The following SLC44A5 variants were observed in gnomAD, a reference collection of about 807,000 sequenced individuals.
SLC44A5 encodes choline transporter-like protein 5.
In SLC44A5, 57 loss-of-function variants were observed where a neutral mutation model predicts 101.8. That is an observed-to-expected ratio of 0.56 (90% CI 0.45 to 0.70). The LOEUF is 0.70. Ranked by LOEUF, SLC44A5 falls within the 30% of genes least tolerant of loss-of-function variation. The pLI, the probability that SLC44A5 is intolerant of heterozygous loss-of-function variation, is 0.00. For synonymous variants in SLC44A5, 281 were observed against 290.9 expected (o/e 0.97, Z 0.35); for missense variants, 737 against 853.1 (o/e 0.86, Z 1.70).
the SLC44A5 span, among the ~76,000 whole-genome samples, chr1:75,711,926 T>TG: frequency 2.0e-5 from 3 of 152,238 alleles, no homozygotes; most frequent in African/African-American, 7.2e-5. Flanking sequence ...TGGTCTCAGA[T>TG]ATTTCCAGTT....
intron 1 of SLC44A5, among the ~76,000 whole-genome samples, chr1:75,580,071 A>G (rs570842683): frequency 6.6e-6 from 1 of 152,250 alleles, no homozygotes; most frequent in South Asian, 2.1e-4. Context: ...CACTGCATAA[A>G]ATCTATTGAT....
intron 2 of SLC44A5, among the ~76,000 whole-genome samples, chr1:75,406,593 G>A (rs1006614316): frequency 9.2e-5 from 14 of 152,092 alleles, no homozygotes; most frequent in African/African-American, 3.4e-4. Context: ...TCACATAAAT[G>A]GAACCAATGA....
the SLC44A5 span, among the ~76,000 whole-genome samples, chr1:75,680,438 C>G: frequency 3.4e-4 from 51 of 151,498 alleles, no homozygotes; most frequent in African/African-American, 9.7e-4. Context: ...AATCAAACTA[C>G]AACTCAGGAT....
intron 2 of SLC44A5, among the ~76,000 whole-genome samples, chr1:75,510,208 A>T (rs755102321): frequency 1.3e-5 from 2 of 152,172 alleles, no homozygotes; most frequent in Admixed American, 6.5e-5. Context: ...CAGCCAAACA[A>T]TATCACTATA....
the SLC44A5 span, among the ~76,000 whole-genome samples, chr1:75,655,027 A>G: frequency 1.3e-5 from 2 of 152,134 alleles, no homozygotes; most frequent in Non-Finnish European, 2.9e-5. Flanking sequence ...ATCTGGCCTT[A>G]TATCCCTCTA....
In SLC44A5 at chr1:75,209,885, G is replaced by A. The variant is rs369909000; in HGVS notation, c.2047+1583C>T. Among the ~76,000 whole-genome samples the A allele has an allele frequency of 1.1e-4, 16 of 152,194 alleles. No individual in the cohort carries two copies. In the East Asian group the frequency reaches 3.1e-3, roughly 29 times the overall value. On this transcript the variant is annotated intron_variant, in intron 23 of 23. Coordinates refer to ENST00000370859, the MANE Select transcript of SLC44A5 (RefSeq NM_001130058.2). ...AATGTGCTAGAGAAATAATCTCTCA[G>A]GATGTGTAGTTGTGCAGCTAACAAG...
the SLC44A5 span, among the ~76,000 whole-genome samples, chr1:75,623,897 C>T: frequency 6.6e-6 from 1 of 152,068 alleles, no homozygotes; most frequent in Non-Finnish European, 1.5e-5. Context: ...AAAAGTAATT[C>T]AAGAACCTAC....
chr1:75,351,438 A>G lies in SLC44A5; in HGVS notation c.53-11808T>C, dbSNP rs115114027. Among the ~76,000 whole-genome samples the G allele has an allele frequency of 9.4e-3, 1,428 of 152,268 alleles. 30 individuals carry two copies. The highest frequency in any genetic ancestry group is 0.032 in the African/African-American group (1,334 of 41,554). ...ATCAATCTCAGATAGAAAAGCCTGA[A>G]GTGAAAGGGTAAAATTATAAAGTCA... On this transcript the variant is annotated intron_variant, in intron 3 of 23. Coordinates refer to ENST00000370859, the MANE Select transcript of SLC44A5 (RefSeq NM_001130058.2).
At chr1:75,393,484 T>C (rs1332816945) in intron 3 of SLC44A5, among the ~76,000 whole-genome samples, 1 of 152,186 alleles carries the variant, frequency 6.6e-6, no homozygotes, top group Non-Finnish European at 1.5e-5. Flanking sequence ...AGGTTATAAA[T>C]AAAGATTTTG....
At chr1:75,697,811 G>A in the SLC44A5 span, among the ~76,000 whole-genome samples, 5 of 152,212 alleles carry the variant, frequency 3.3e-5, no homozygotes, top group African/African-American at 1.2e-4. Context: ...TGCGTGAGCT[G>A]AAGCAGGGCG....
intron 2 of SLC44A5, among the ~76,000 whole-genome samples, chr1:75,516,486 C>T (rs911801679): frequency 6.6e-6 from 1 of 152,094 alleles, no homozygotes; most frequent in Non-Finnish European, 1.5e-5. Flanking sequence ...CACTGCACTC[C>T]AGCCTGGGGG....
At chr1:75,476,555 G>A (rs769296605) in intron 2 of SLC44A5, among the ~76,000 whole-genome samples, 6 of 152,196 alleles carry the variant, frequency 3.9e-5, no homozygotes, top group Non-Finnish European at 5.9e-5. Context: ...CCTGAATACT[G>A]CGCTTTTCCG....
At chr1:75,206,601 G>A (rs1317794968) in intron 23 of SLC44A5, 1 of 1,558,100 alleles carries the variant, frequency 6.4e-7, no homozygotes, top group Non-Finnish European at 8.8e-7. Flanking sequence ...ACTGTTTGGA[G>A]CTTTTCTACT....
chr1:75,446,601 G>T (rs1665591091), intron 2 of SLC44A5, among the ~76,000 whole-genome samples: 2 of 151,632 alleles, frequency 1.3e-5, no homozygotes, highest in African/African-American at 4.8e-5. Flanking sequence ...TCCTATAAAG[G>T]CAGAGATTGC....
intron 2 of SLC44A5, among the ~76,000 whole-genome samples, chr1:75,478,866 C>T (rs1195853604): frequency 3.9e-5 from 6 of 152,044 alleles, no homozygotes; most frequent in African/African-American, 1.4e-4. Flanking sequence ...AACAAGGATA[C>T]CCAGGAATTG....
At chr1:75,318,942 C>G (rs180724580) in intron 4 of SLC44A5, among the ~76,000 whole-genome samples, 25 of 152,140 alleles carry the variant, frequency 1.6e-4, no homozygotes, top group South Asian at 1.5e-3. Context: ...CACTCCCAAC[C>G]CCCCCTGCCA....
At chr1:75,483,538 A>G (rs1667988160) in intron 2 of SLC44A5, among the ~76,000 whole-genome samples, 1 of 152,234 alleles carries the variant, frequency 6.6e-6, no homozygotes, top group Admixed American at 6.5e-5. Context: ...GAGTTGCTGA[A>G]ACATTTAGAG....
At chr1:75,366,945 TTATC>T (rs57019721) in intron 3 of SLC44A5, among the ~76,000 whole-genome samples, 74,147 of 151,536 alleles carry the variant, frequency 0.49, 19,727 homozygotes, top group East Asian at 0.94. Flanking sequence ...TTTTAAATAA[TTATC>T]TATCTATGTT....
intron 2 of SLC44A5, among the ~76,000 whole-genome samples, chr1:75,417,858 A>G (rs1663755304): frequency 6.6e-6 from 1 of 152,264 alleles, no homozygotes; most frequent in African/African-American, 2.4e-5. Flanking sequence ...AAGGAGACTA[A>G]GAGGCATGTG....
Sources: allele counts gnomAD v4.1 joint callset (sites outside exome capture counted in the v4.1 genomes callset), GRCh38; gene constraint gnomAD v4.1.1; transcripts MANE v1.5; gene names NCBI Gene and HGNC (gene_info 2026-07-23, HGNC 2026-07-21).